The following TGM6 variants were observed in gnomAD, a reference collection of about 807,000 sequenced individuals.
The protein encoded by TGM6 is protein-glutamine gamma-glutamyltransferase 6.
A neutral mutation model predicts 77.5 loss-of-function variants in TGM6; 74 were observed. The observed-to-expected ratio is 0.96, with a 90% CI of 0.79 to 1.16. The LOEUF is 1.16. Ranked by LOEUF, TGM6 falls within the 50% of genes most tolerant of loss-of-function variation. TGM6 has a pLI of 0.00. For synonymous variants in TGM6, 383 were observed against 378.9 expected, an observed-to-expected ratio of 1.01 and a Z score of -0.12; for missense variants, 968 against 940.2, an observed-to-expected ratio of 1.03 and a Z score of -0.39.
chr20:2,419,733 T>C (rs2084843296), intron 10 of TGM6, among the ~76,000 whole-genome samples: 1 of 152,228 alleles, frequency 6.6e-6, no homozygotes, highest in Non-Finnish European at 1.5e-5. Context: ...AACATCATTT[T>C]AATAGATATT....
chr20:2,431,074 T>C, intron 12 of TGM6, 47 bp downstream of exon 12: 2 of 1,577,950 alleles, frequency 1.3e-6, no homozygotes, highest in Non-Finnish European at 1.7e-6. Context: ...CTCTCTTCCT[T>C]GTGGATGAGC....
In TGM6 at chr20:2,397,995, C is replaced by G. The variant is rs148696208; in HGVS notation, c.621C>G (p.Asp207Glu). The change falls in exon 5 of 13, where the codon GAC (aspartate) becomes GAG (glutamate). Residue 207 changes from aspartate (D) to glutamate (E), a missense_variant. Transcript: ENST00000202625. Reference sequence around the variant, plus strand: ...GTCACCAAAACAACCCAGCCACCGACGTGTCCTGCCGCCACAACCCCATCT... The same window carrying G: ...GTCACCAAAACAACCCAGCCACCGAGGTGTCCTGCCGCCACAACCCCATCT... ...SPGHQNNPAT[D>E]VSCRHNPIYV... 1.9e-6 allele frequency: 3 copies of G among 1,614,044 alleles called. No individual in the cohort carries two copies. The highest frequency in any genetic ancestry group is 1.1e-5 in the South Asian group (1 of 91,076).
At chr20:2,393,433 C>T (rs1302562990) in intron 1 of TGM6, among the ~76,000 whole-genome samples, 3 of 152,164 alleles carry the variant, frequency 2.0e-5, no homozygotes, top group East Asian at 1.9e-4. Context: ...AGCTGCGACA[C>T]GCCTTACACT....
intron 12 of TGM6, among the ~76,000 whole-genome samples, chr20:2,431,946 G>C (rs2084926414): frequency 6.6e-6 from 1 of 152,238 alleles, no homozygotes; most frequent in Admixed American, 6.5e-5. Flanking sequence ...AGCCCAGAGG[G>C]GGGAAGTTCA....
Position 2,394,438 on chromosome 20 carries a change from C to G in TGM6, c.8-14C>G. On this transcript the variant is annotated splice_polypyrimidine_tract_variant and intron_variant, in intron 1 of 12. Coordinates refer to ENST00000202625, the MANE Select transcript of TGM6 (RefSeq NM_198994.3). ...GAGGCCGTGGCCTCATCTCCCTGTCCTCTCCCCACCCAGGGATCAGAGTCA... is the reference window on the plus strand; with the variant it reads ...GAGGCCGTGGCCTCATCTCCCTGTCGTCTCCCCACCCAGGGATCAGAGTCA... 1.9e-6 allele frequency: 3 copies of G among 1,611,142 alleles called. No individual in the cohort carries two copies. The East Asian group carries it at 6.7e-5, about 36-fold the overall frequency.
At chr20:2,416,718 C>T (rs1024408177) in intron 9 of TGM6, among the ~76,000 whole-genome samples, 2 of 152,142 alleles carry the variant, frequency 1.3e-5, no homozygotes, top group Admixed American at 1.3e-4. Flanking sequence ...AGCCCCAGCT[C>T]CTGAGTCAAG....
At position 2,400,307 on chromosome 20, in the gene TGM6, C is replaced by A. The variant is rs956270803; in HGVS notation, c.852C>A (p.Val284=). The change falls in exon 7 of 13, where the codon GTC becomes GTA. Residue 284 remains valine (V), a splice_region_variant and synonymous_variant. Transcript: ENST00000202625. ...GCTCCGAGCCTCTCTGCTCTGCAGT[C>A]CTCAGGTGCTTGGGGATAGCCACAC... The part of the protein sequence containing the change: ...CWVFAGVLCT[V]LRCLGIATRV... 1.2e-6 allele frequency: 2 copies of A among 1,614,076 alleles called. No individual in the cohort carries two copies. Among genetic ancestry groups the A allele is most frequent in the African/African-American group, 2.7e-5 (2 of 74,944 alleles).
In TGM6 at chr20:2,399,559, A is replaced by G; in HGVS notation, c.673-2A>G. 1 of 1,612,570 alleles carries G rather than the reference A, an allele frequency of 6.2e-7. No homozygotes were observed. Among genetic ancestry groups the G allele is most frequent in the East Asian group, 2.2e-5 (1 of 44,874 alleles). On this transcript the variant is annotated splice_acceptor_variant, in intron 5 of 12. Transcript: ENST00000202625. LOFTEE classifies it high-confidence loss of function. ...TGTGGACCCGTGCCCTCCTCTGCCC[A>G]GGTGAACAGCAACAACGACCGAGGT...
At chr20:2,407,885 C>A (rs1213421486) in intron 9 of TGM6, among the ~76,000 whole-genome samples, 2 of 152,110 alleles carry the variant, frequency 1.3e-5, no homozygotes, top group East Asian at 3.9e-4. Flanking sequence ...AAAGAGAAGT[C>A]CCCAGAGAAC....
chr20:2,387,972 T>A (rs954973783), intron 1 of TGM6, among the ~76,000 whole-genome samples: 1 of 152,164 alleles, frequency 6.6e-6, no homozygotes, highest in African/African-American at 2.4e-5. Flanking sequence ...GCCATTTGGG[T>A]TTCTTCATGG....
At chr20:2,430,684 T>C in intron 11 of TGM6, 84 bp downstream of exon 11, 4 of 1,604,432 alleles carry the variant, frequency 2.5e-6, no homozygotes, top group Non-Finnish European at 3.4e-6. Context: ...GCTGGGGGGG[T>C]TTGTGCCTTT....
chr20:2,420,784 A>G (rs781721577), intron 10 of TGM6, among the ~76,000 whole-genome samples: 7 of 152,076 alleles, frequency 4.6e-5, no homozygotes, highest in Non-Finnish European at 8.8e-5. Context: ...ACTTAGCAAT[A>G]TGTATTTAAG....
At chr20:2,420,913 C>T (rs895905070) in intron 10 of TGM6, among the ~76,000 whole-genome samples, 1 of 152,076 alleles carries the variant, frequency 6.6e-6, no homozygotes, top group African/African-American at 2.4e-5. Flanking sequence ...TGGTTGATTC[C>T]GAGTTTTGGC....
At chr20:2,399,198 T>C (rs2084688579) in intron 5 of TGM6, among the ~76,000 whole-genome samples, 1 of 151,654 alleles carries the variant, frequency 6.6e-6, no homozygotes, top group African/African-American at 2.4e-5. Flanking sequence ...CAGGTTAATA[T>C]AGTGTGCACA....
intron 3 of TGM6, 69 bp downstream of exon 3, chr20:2,395,505 A>AT (rs1165826544): frequency 6.2e-7 from 1 of 1,613,130 alleles, no homozygotes; most frequent in African/African-American, 1.3e-5. Context: ...CTGCCCTTGG[A>AT]GGGGGCCTGG....
chr20:2,409,604 C>T (rs898555742), intron 9 of TGM6, among the ~76,000 whole-genome samples: 54 of 151,486 alleles, frequency 3.6e-4, no homozygotes, highest in Admixed American at 5.3e-4. Flanking sequence ...TCCAGCTACT[C>T]GGGAGGCTGA....
chr20:2,381,132 G>T lies in TGM6; in HGVS notation c.7+157G>T, dbSNP rs17222895. Among the ~76,000 whole-genome samples, 2,994 of 152,246 alleles carry T rather than the reference G, an allele frequency of 0.02. 42 individuals carry two copies. The highest frequency in any genetic ancestry group is 0.082 in the Middle Eastern group (24 of 294). ...ATGAACTCTTCGTGTGGATTCATGA[G>T]GCCCAGGATGAAAAAGCCAGCTTTA... On this transcript the variant is annotated intron_variant, in intron 1 of 12. Transcript: ENST00000202625.
At chr20:2,392,923 G>C (rs1301274562) in intron 1 of TGM6, among the ~76,000 whole-genome samples, 1 of 152,280 alleles carries the variant, frequency 6.6e-6, no homozygotes, top group East Asian at 1.9e-4. Context: ...AGGTGCTTCA[G>C]CCAGTAGATG....
At position 2,405,130 on chromosome 20, in the gene TGM6, C is replaced by G. The variant is rs113765092; in HGVS notation, c.1336+1307C>G. ...CGTGGGACTGCTGAGATGGCTGGGT[C>G]TGTGTTCCCACTCGGCCTCTCATGT... is the stretch of plus-strand genomic sequence containing the variant. On this transcript the variant is annotated intron_variant, in intron 9 of 12. Transcript: ENST00000202625. Among the ~76,000 whole-genome samples the G allele has an allele frequency of 6.7e-3, 1,017 of 152,250 alleles. 12 individuals carry two copies. The highest frequency in any genetic ancestry group is 0.023 in the African/African-American group (961 of 41,540).
Sources: allele counts gnomAD v4.1 joint callset (sites outside exome capture counted in the v4.1 genomes callset), GRCh38; gene constraint gnomAD v4.1.1; transcripts MANE v1.5; gene names NCBI Gene and HGNC (gene_info 2026-07-23, HGNC 2026-07-21).